The following PTPRQ variants were observed in gnomAD, a reference collection of about 807,000 sequenced individuals.
PTPRQ encodes the protein protein tyrosine phosphatase receptor type Q.
A neutral mutation model predicts 246.0 loss-of-function variants in PTPRQ; 199 were observed. That is an observed-to-expected ratio of 0.81 (90% CI 0.72 to 0.91). The LOEUF is 0.91. Ranked by LOEUF, PTPRQ falls within the 40% of genes least tolerant of loss-of-function variation. PTPRQ has a pLI of 0.00. For missense variants in PTPRQ, 2,624 were observed against 2,528.4 expected (o/e 1.04, Z -0.81); for synonymous variants, 869 against 853.2 (o/e 1.02, Z -0.32).
chr12:80,509,424 G>T (rs1050146196), intron 16 of PTPRQ, among the ~76,000 whole-genome samples: 4 of 152,042 alleles, frequency 2.6e-5, no homozygotes, highest in Admixed American at 6.6e-5. Flanking sequence ...GTTTAAAGAT[G>T]TAAACAAATT....
chr12:80,446,990 C>T (rs201730046), intron 3 of PTPRQ, among the ~76,000 whole-genome samples: 15 of 152,070 alleles, frequency 9.9e-5, no homozygotes, highest in Non-Finnish European at 5.9e-5. Context: ...GAGAAATCTC[C>T]GTACTGTTTC....
At chr12:80,665,416 C>T (rs938076559) in intron 39 of PTPRQ, among the ~76,000 whole-genome samples, 2 of 151,966 alleles carry the variant, frequency 1.3e-5, no homozygotes, top group African/African-American at 4.8e-5. Flanking sequence ...AAATTTATGT[C>T]TCTAGTTTGG....
chr12:80,534,258 A>G, intron 18 of PTPRQ, 83 bp downstream of exon 18: 5 of 1,317,380 alleles, frequency 3.8e-6, no homozygotes, highest in Non-Finnish European at 4.0e-6. Context: ...TTCAAATATC[A>G]AAATGTATGA....
intron 39 of PTPRQ, among the ~76,000 whole-genome samples, chr12:80,665,725 A>G (rs556834618): frequency 3.8e-4 from 58 of 152,152 alleles, no homozygotes; most frequent in Admixed American, 1.3e-3. Flanking sequence ...AATATCCAAA[A>G]TATACCAGGA....
chr12:80,479,728 T>C (rs1438893823), intron 8 of PTPRQ, among the ~76,000 whole-genome samples: 1 of 149,956 alleles, frequency 6.7e-6, no homozygotes, highest in Non-Finnish European at 1.5e-5. Context: ...GTTGCAATCC[T>C]AGTCTCTGAT....
At chr12:80,613,887 G>T in intron 29 of PTPRQ, 51 bp downstream of exon 29, 1 of 1,433,346 alleles carries the variant, frequency 7.0e-7, no homozygotes, top group Non-Finnish European at 9.2e-7. Flanking sequence ...GTCAGTTTAT[G>T]AACTTGGCAT....
At chr12:80,488,591 T>G (rs1478298714) in intron 9 of PTPRQ, among the ~76,000 whole-genome samples, 2 of 152,058 alleles carry the variant, frequency 1.3e-5, no homozygotes, top group Non-Finnish European at 2.9e-5. Flanking sequence ...AGGAGTGGTT[T>G]AAAGTGTTGC....
chr12:80,471,998 G>A (rs1189799169), intron 7 of PTPRQ, 107 bp from the exon 8 acceptor site: 2 of 1,366,310 alleles, frequency 1.5e-6, no homozygotes, highest in Non-Finnish European at 2.0e-6. Flanking sequence ...ACAAATTTTA[G>A]TGCATAGGTT....
At position 80,444,247 on chromosome 12, in the gene PTPRQ, T is replaced by C; in HGVS notation, c.-99T>C. ...TTGAGTAATATGGGCTCATTAATTGTGTACTTGCCAGAAGGATCTGTCTTT... is the reference window on the plus strand; with the variant it reads ...TTGAGTAATATGGGCTCATTAATTGCGTACTTGCCAGAAGGATCTGTCTTT... On this transcript the variant is annotated 5_prime_UTR_variant, in exon 1 of 45. Coordinates refer to ENST00000644991, the MANE Select transcript of PTPRQ (RefSeq NM_001145026.2). 1.5e-6 allele frequency: 1 copy of C among 674,156 alleles called. No homozygotes were observed. Among genetic ancestry groups the C allele is most frequent in the Non-Finnish European group, 2.6e-6 (1 of 379,320 alleles). The allele number at this position is 674,156 out of a possible 1,614,324, so 41.8% of individuals were successfully genotyped here.
rs774522067 is a variant in PTPRQ at position 80,620,271 on chromosome 12, G to A, written c.5507G>A (p.Ser1836Asn). The A allele has an allele frequency of 2.6e-6, 4 of 1,549,422 alleles. No individual in the cohort carries two copies. Among genetic ancestry groups the A allele is most frequent in the Non-Finnish European group, 1.7e-6 (2 of 1,145,566 alleles). Residue 1836 changes from serine (S) to asparagine (N), a missense_variant, in exon 32 of 45, where the codon AGT (serine) becomes AAT (asparagine). Coordinates refer to ENST00000644991, the MANE Select transcript of PTPRQ (RefSeq NM_001145026.2). ...TGTACAGAAGGAAAGACAAAGTTTA[G>A]TGGCAATGAAGAAATCTACATCATA... ...PPCTEGKTKF[S>N]GNEEIYIIGA... is the part of the protein sequence containing the mutation.
At chr12:80,655,571 GTCTCTC>G (rs146087588) in intron 38 of PTPRQ, among the ~76,000 whole-genome samples, 7 of 146,874 alleles carry the variant, frequency 4.8e-5, no homozygotes, top group Non-Finnish European at 7.6e-5. Context: ...GGTTCTCTCT[GTCTCTC>G]TCTCTCTCTC....
intron 17 of PTPRQ, among the ~76,000 whole-genome samples, chr12:80,514,398 ACACACT>A (rs1895218710): frequency 2.4e-5 from 1 of 42,270 alleles, no homozygotes. Context: ...ACACACACAC[ACACACT>A]CTCTCTCTCT....
Position 80,620,261 on chromosome 12 carries a change from A to C in PTPRQ, c.5497A>C (p.Thr1833Pro). 1 of 1,549,630 alleles carries C rather than the reference A, an allele frequency of 6.5e-7. No individual in the cohort carries two copies. ...TAACCCTCCATGTACAGAAGGAAAG[A>C]CAAAGTTTAGTGGCAATGAAGAAAT... is the stretch of plus-strand genomic sequence containing the variant. ...FPNPPCTEGKTKFSGNEEIYI... is the reference protein window; with the variant it reads ...FPNPPCTEGKPKFSGNEEIYI... Residue 1833 changes from threonine (T) to proline (P), a missense_variant, in exon 32 of 45, where the codon ACA (threonine) becomes CCA (proline). Transcript: ENST00000644991.
At chr12:80,458,885 C>T (rs866409585) in intron 4 of PTPRQ, among the ~76,000 whole-genome samples, 6 of 152,058 alleles carry the variant, frequency 3.9e-5, no homozygotes, top group Middle Eastern at 3.4e-3. Context: ...ATAAACATTC[C>T]AGAAATCTGC....
At chr12:80,643,723 A>G (rs189640960) in intron 35 of PTPRQ, among the ~76,000 whole-genome samples, 18 of 152,354 alleles carry the variant, frequency 1.2e-4, no homozygotes, top group Admixed American at 1.2e-3. Context: ...TGCTTTGGAT[A>G]AGCGATAGAA....
Position 80,460,716 on chromosome 12 carries a change from C to A in PTPRQ, c.724C>A (p.Pro242Thr). The A allele has an allele frequency of 5.0e-6, 2 of 399,630 alleles. No individual in the cohort carries two copies. Among genetic ancestry groups the A allele is most frequent in the East Asian group, 7.1e-5 (2 of 28,064 alleles). The allele number at this position is 399,630 out of a possible 1,614,324, so 24.8% of individuals were successfully genotyped here. Residue 242 changes from proline (P) to threonine (T), a missense_variant, in exon 6 of 45, where the codon CCT becomes ACT. Coordinates refer to ENST00000644991, the MANE Select transcript of PTPRQ (RefSeq NM_001145026.2). The stretch of plus-strand genomic sequence containing the variant: ...TTCTCCAACCCTTGGTAGAGTTACA[C>A]CTCCATCGCGTACCACACATTCATC... ...SPSPTLGRVT[P>T]PSRTTHSSST...
rs1206819878 is a variant in PTPRQ at position 80,445,700 on chromosome 12, A to G, written c.373A>G (p.Thr125Ala). Residue 125 changes from threonine (T) to alanine (A), a missense_variant, in exon 3 of 45, where the codon ACA (threonine) becomes GCA (alanine). By Grantham distance (58) the Thr-to-Ala change is moderately conservative. Coordinates refer to ENST00000644991, the MANE Select transcript of PTPRQ (RefSeq NM_001145026.2). Reference sequence around the variant, plus strand: ...TCTTCTTACTAATCTTAATCCTGGAACAACATATGAAATTAAGGTAATTAT... The same window carrying G: ...TCTTCTTACTAATCTTAATCCTGGAGCAACATATGAAATTAAGGTAATTAT... ...EVLLTNLNPG[T>A]TYEIKVAAEN... 8.4e-6 allele frequency: 13 copies of G among 1,538,656 alleles called. No individual in the cohort carries two copies. The highest frequency in any genetic ancestry group is 1.1e-5 in the Non-Finnish European group (13 of 1,135,634).
intron 16 of PTPRQ, among the ~76,000 whole-genome samples, chr12:80,507,538 C>G (rs1283496220): frequency 6.6e-6 from 1 of 151,882 alleles, no homozygotes; most frequent in African/African-American, 2.4e-5. Context: ...GGAAGGGAGA[C>G]TTTTCCCTGC....
At chr12:80,463,630 AC>A (rs1255010711) in intron 6 of PTPRQ, among the ~76,000 whole-genome samples, 8 of 152,022 alleles carry the variant, frequency 5.3e-5, no homozygotes, top group Non-Finnish European at 8.8e-5. Context: ...AGGTCGGGTT[AC>A]CCACAAAGGG....
Sources: gnomAD v4.1 joint callset for allele counts (sites outside exome capture counted in the v4.1 genomes callset) on GRCh38, gnomAD v4.1.1 for gene constraint, MANE v1.5 for transcripts, NCBI Gene and HGNC (gene_info 2026-07-23, HGNC 2026-07-21) for gene names.